PDE3B: variants seen among roughly 807,000 people sequenced by gnomAD.
The protein encoded by PDE3B is phosphodiesterase 3B, also known as cGMP-inhibited 3',5'-cyclic phosphodiesterase 3B.
PDE3B carries 66 observed loss-of-function variants against 116.8 expected under a neutral mutation model. That is an observed-to-expected ratio of 0.56 (90% confidence interval 0.46 to 0.69). PDE3B has a LOEUF of 0.69. PDE3B is among the 30% of genes least tolerant of loss of function. The pLI, the probability that PDE3B is intolerant of heterozygous loss-of-function variation, is 0.00. For missense variants in PDE3B, 1,384 were observed against 1,368.1 expected, an observed-to-expected ratio of 1.01 and a Z score of -0.18; for synonymous variants, 595 against 533.6, an observed-to-expected ratio of 1.12 and a Z score of -1.59.
chr11:14,890,198 CTGT>C, the PDE3B span, among the ~76,000 whole-genome samples: 3 of 151,622 alleles, frequency 2.0e-5, no homozygotes, highest in African/African-American at 7.3e-5. Context: ...TTTCTGTTTT[CTGT>C]TGTTATTCTC....
chr11:14,759,490 TA>T (rs1299273507), intron 1 of PDE3B, among the ~76,000 whole-genome samples: 1 of 151,942 alleles, frequency 6.6e-6, no homozygotes, highest in African/African-American at 2.4e-5. Context: ...AGTTCAGTTC[TA>T]AATTGGTAGG....
chr11:14,759,216 T>A (rs1204013823), intron 1 of PDE3B, among the ~76,000 whole-genome samples: 1 of 152,166 alleles, frequency 6.6e-6, no homozygotes, highest in African/African-American at 2.4e-5. Flanking sequence ...TCAAGGATAT[T>A]GGTCTAAAAT....
At chr11:14,670,095 C>T (rs1054111829) in intron 1 of PDE3B, among the ~76,000 whole-genome samples, 3 of 152,054 alleles carry the variant, frequency 2.0e-5, no homozygotes, top group Admixed American at 6.6e-5. Flanking sequence ...TTACACATAG[C>T]GGCTTAGTGC....
chr11:14,650,721 G>T (rs553370120), intron 1 of PDE3B, among the ~76,000 whole-genome samples: 3 of 152,100 alleles, frequency 2.0e-5, no homozygotes, highest in Non-Finnish European at 4.4e-5. Flanking sequence ...GAACCCGGGA[G>T]GCGGAGCTTG....
Position 14,869,626 on chromosome 11 carries a change from T to C in PDE3B, c.3305T>C (p.Ile1102Thr), listed in dbSNP as rs141389427. ...ENSSLPQADEIQVIEEADEEE is the reference protein window; with the variant it reads ...ENSSLPQADETQVIEEADEEE ...TCCTCCTTACCTCAAGCAGATGAGA[T>C]TCAGGTAATTGAAGAGGCAGATGAA... Residue 1102 changes from isoleucine to threonine, a missense_variant, in exon 16 of 16, where the codon ATT (isoleucine) becomes ACT (threonine). This residue lies in a region of PDE3B where 428 missense variants were observed against 561.4 expected (regional missense o/e 0.76). Transcript: ENST00000282096. 6.2e-7 allele frequency: 1 copy of C among 1,613,760 alleles called. No homozygotes were observed. Among genetic ancestry groups the C allele is most frequent in the African/African-American group, 1.3e-5 (1 of 74,982 alleles).
chr11:14,818,048 A>G (rs1249257704), intron 5 of PDE3B, 135 bp from the exon 6 acceptor site: 1 of 633,856 alleles, frequency 1.6e-6, no homozygotes, highest in Non-Finnish European at 2.7e-6. Context: ...CCCATGCAGG[A>G]ATTTATAATT....
At chr11:14,698,703 T>G (rs1365940748) in intron 1 of PDE3B, 1 of 152,000 alleles carries the variant, frequency 6.6e-6, no homozygotes, top group African/African-American at 2.4e-5. Context: ...ATTTCTGTTA[T>G]TTTTAATCTG....
At chr11:14,688,769 G>C (rs117479046) in intron 1 of PDE3B, among the ~76,000 whole-genome samples, 2 of 151,804 alleles carry the variant, frequency 1.3e-5, no homozygotes, top group African/African-American at 4.8e-5. Flanking sequence ...TGGTTTTTTT[G>C]TTGTTGTTGT....
intron 11 of PDE3B, among the ~76,000 whole-genome samples, chr11:14,837,214 C>T (rs1860084068): frequency 6.6e-6 from 1 of 152,224 alleles, no homozygotes; most frequent in Admixed American, 6.5e-5. Flanking sequence ...TCCAGCTCTG[C>T]AACCTTGGCT....
chr11:14,697,564 G>C (rs1367096461), intron 1 of PDE3B, among the ~76,000 whole-genome samples: 1 of 152,006 alleles, frequency 6.6e-6, no homozygotes, highest in Non-Finnish European at 1.5e-5. Flanking sequence ...GCTAGTCTAG[G>C]ACCTTTGCAT....
At chr11:14,746,442 T>C (rs1856912598) in intron 1 of PDE3B, among the ~76,000 whole-genome samples, 1 of 152,212 alleles carries the variant, frequency 6.6e-6, no homozygotes, top group African/African-American at 2.4e-5. Context: ...GCTAATGCCC[T>C]TTTTCTAGGG....
intron 3 of PDE3B, among the ~76,000 whole-genome samples, chr11:14,787,433 A>T (rs1858243373): frequency 6.6e-6 from 1 of 151,988 alleles, no homozygotes; most frequent in Non-Finnish European, 1.5e-5. Context: ...CCAAGAGAAG[A>T]CAAAATTTAT....
intron 1 of PDE3B, among the ~76,000 whole-genome samples, chr11:14,661,610 T>C (rs978109708): frequency 6.6e-6 from 1 of 152,296 alleles, no homozygotes; most frequent in South Asian, 2.1e-4. Flanking sequence ...ACCCTAATAC[T>C]GCGCTTTTCC....
chr11:14,743,292 A>G (rs955147374), intron 1 of PDE3B, among the ~76,000 whole-genome samples: 2 of 152,180 alleles, frequency 1.3e-5, no homozygotes, highest in African/African-American at 2.4e-5. Context: ...AAGTCTGGCT[A>G]TAGTGGCTTT....
intron 5 of PDE3B, among the ~76,000 whole-genome samples, chr11:14,816,063 G>T (rs1686113311): frequency 6.6e-6 from 1 of 152,102 alleles, no homozygotes; most frequent in African/African-American, 2.4e-5. Flanking sequence ...TTCAGGACAG[G>T]CTGGCAGGCT....
At chr11:14,760,395 A>ATAGTGG (rs1857326378) in intron 1 of PDE3B, among the ~76,000 whole-genome samples, 3 of 152,226 alleles carry the variant, frequency 2.0e-5, no homozygotes, top group African/African-American at 7.2e-5. Context: ...GCTAGATGCT[A>ATAGTGG]TAATCAAAGT....
At chr11:14,882,306 A>T in the PDE3B span, among the ~76,000 whole-genome samples, 12 of 152,276 alleles carry the variant, frequency 7.9e-5, no homozygotes, top group Non-Finnish European at 1.5e-5. Context: ...GATATAGGGT[A>T]GTCAGCAAAA....
At chr11:14,806,938 G>C (rs1858952399) in intron 5 of PDE3B, among the ~76,000 whole-genome samples, 1 of 150,540 alleles carries the variant, frequency 6.6e-6, no homozygotes, top group South Asian at 2.1e-4. Context: ...CCATAAAAAA[G>C]GATGAGTTCA....
At chr11:14,806,858 CAAAAAA>C (rs953411145) in intron 5 of PDE3B, among the ~76,000 whole-genome samples, 3 of 45,930 alleles carry the variant, frequency 6.5e-5, no homozygotes, top group African/African-American at 3.1e-4. Context: ...GACTCCGTCT[CAAAAAA>C]AAAAAAAAAA....
Sources: allele counts gnomAD v4.1 joint callset (sites outside exome capture counted in the v4.1 genomes callset), GRCh38; gene constraint gnomAD v4.1.1; regional missense constraint gnomAD v4.1.1; transcripts MANE v1.5; gene names NCBI Gene and HGNC (gene_info 2026-07-23, HGNC 2026-07-21).